The following FGD2 variants were observed in gnomAD, a reference collection of about 807,000 sequenced individuals.
The protein encoded by FGD2 is FYVE, RhoGEF and PH domain containing 2.
FGD2 carries 52 observed loss-of-function variants against 75.9 expected under a neutral mutation model. That is an observed-to-expected ratio of 0.69 (90% CI 0.55 to 0.86). The LOEUF is 0.86. FGD2 is among the 40% of genes least tolerant of loss of function. FGD2 has a pLI of 0.00. For missense variants in FGD2, 790 were observed against 872.0 expected, an observed-to-expected ratio of 0.91 and a Z score of 1.18; for synonymous variants, 347 against 348.6, an observed-to-expected ratio of 1.00 and a Z score of 0.05.
chr6:37,024,829 C>A (rs1342691958), intron 13 of FGD2: 1 of 152,234 alleles, frequency 6.6e-6, no homozygotes, highest in East Asian at 1.9e-4. Flanking sequence ...GTGCCAGTTT[C>A]TGTCTCCCCT....
chr6:37,018,067 C>T (rs1335149044), intron 9 of FGD2, among the ~76,000 whole-genome samples: 2 of 152,098 alleles, frequency 1.3e-5, no homozygotes, highest in African/African-American at 2.4e-5. Flanking sequence ...CTGAGAAAGG[C>T]AGGTTTATAG....
chr6:37,005,676 C>G lies in FGD2; in HGVS notation c.-142C>G. 1.1e-6 allele frequency: 1 copy of G among 874,856 alleles called. No individual in the cohort carries two copies. The allele number at this position is 874,856 out of a possible 1,614,324, so 54.2% of individuals were successfully genotyped here. A position where few individuals can be genotyped will look rare whatever the true frequency, so the allele number is the denominator to read the frequency against. ...CTTCACTCTGAAGCCAAGAGCCGAC[C>G]TTCTGAGCCCTCAAGAAAGATCAGA... On this transcript the variant is annotated 5_prime_UTR_variant, in exon 1 of 16. Coordinates refer to ENST00000274963, the MANE Select transcript of FGD2 (RefSeq NM_173558.4).
chr6:37,008,709 G>T, intron 1 of FGD2, 125 bp from the exon 2 acceptor site: 1 of 724,832 alleles, frequency 1.4e-6, no homozygotes, highest in South Asian at 2.4e-5. Context: ...CCCAAAGAAA[G>T]CCAGGCACCC....
chr6:37,010,912 C>T, intron 2 of FGD2, 61 bp from the exon 3 acceptor site: 1 of 1,511,920 alleles, frequency 6.6e-7, no homozygotes, highest in Non-Finnish European at 9.2e-7. Flanking sequence ...AGGTCCCCAT[C>T]AGAGGAGACC....
chr6:37,010,838 C>T, intron 2 of FGD2, 135 bp from the exon 3 acceptor site: 1 of 785,860 alleles, frequency 1.3e-6, no homozygotes, highest in Non-Finnish European at 2.2e-6. Flanking sequence ...GGCCCAGATG[C>T]ACTGCGGGAG....
intron 1 of FGD2, among the ~76,000 whole-genome samples, chr6:37,008,441 C>G (rs1213900861): frequency 6.6e-6 from 1 of 152,100 alleles, no homozygotes; most frequent in Non-Finnish European, 1.5e-5. Flanking sequence ...TTCTGTGGCT[C>G]CTACCTTCCC....
Position 37,014,051 on chromosome 6 carries a change from G to T in FGD2, c.774G>T (p.Glu258Asp), listed in dbSNP as rs184929659. 1.2e-4 allele frequency: 195 copies of T among 1,614,140 alleles called. No homozygotes were observed. The East Asian group carries it at 4.1e-3, about 34-fold the overall frequency. Reference protein sequence around the residue: ...RIPRYELLLKEYIQKLPAQAP... With the variant: ...RIPRYELLLKDYIQKLPAQAP... ...CACGTTACGAGCTGCTGCTCAAGGA[G>T]TACATCCAGAAGCTGCCAGCCCAGG... Residue 258 changes from glutamate (E) to aspartate (D), a missense_variant, in exon 6 of 16, where the codon GAG (glutamate) becomes GAT (aspartate). Glu to Asp is a conservative substitution (Grantham distance 45). Transcript: ENST00000274963.
At chr6:37,019,439 T>C (rs1422229956) in intron 9 of FGD2, among the ~76,000 whole-genome samples, 3 of 152,208 alleles carry the variant, frequency 2.0e-5, no homozygotes, top group Non-Finnish European at 4.4e-5. Context: ...CTCAGTGCTG[T>C]CTGGGTTATG....
Position 37,028,658 on chromosome 6 carries a change from A to T in FGD2, c.*495A>T, listed in dbSNP as rs1051557821. 3 of 105,232 alleles carry T rather than the reference A, an allele frequency of 2.9e-5. No homozygotes were observed. Among genetic ancestry groups the T allele is most frequent in the Non-Finnish European group, 5.2e-5 (3 of 57,478 alleles). 6.5% of individuals were successfully genotyped at this position (105,232 alleles called of 1,614,324 possible). A position where few individuals can be genotyped will look rare whatever the true frequency, so the allele number is the denominator to read the frequency against. ...GAGACAGAGTCTTACTCTGTTTCCC[A>T]GGCTGGAGTGCACAAACATGGCTCA... On this transcript the variant is annotated 3_prime_UTR_variant, in exon 16 of 16. Coordinates refer to ENST00000274963, the MANE Select transcript of FGD2 (RefSeq NM_173558.4).
At chr6:37,005,999 C>T in intron 1 of FGD2, 114 bp downstream of exon 1, 2 of 1,199,214 alleles carry the variant, frequency 1.7e-6, no homozygotes, top group South Asian at 1.3e-5. Flanking sequence ...CAGGGGCAGC[C>T]CCGCGTTCCT....
At chr6:37,024,519 T>C (rs1267354355) in intron 13 of FGD2, 1 of 151,954 alleles carries the variant, frequency 6.6e-6, no homozygotes, top group Non-Finnish European at 1.5e-5. Context: ...AATACATACA[T>C]ATAGAGAGAG....
At chr6:37,027,405 G>A in intron 14 of FGD2, 24 bp from the exon 15 acceptor site, 1 of 1,590,942 alleles carries the variant, frequency 6.3e-7, no homozygotes, top group Non-Finnish European at 8.6e-7. Context: ...TCTGCTCCCT[G>A]ACAGTCCCTC....
intron 1 of FGD2, among the ~76,000 whole-genome samples, chr6:37,008,309 C>A (rs942844343): frequency 6.6e-6 from 1 of 152,164 alleles, no homozygotes; most frequent in African/African-American, 2.4e-5. Flanking sequence ...CCTACGAAGG[C>A]CCGTCCCTGG....
intron 1 of FGD2, among the ~76,000 whole-genome samples, chr6:37,007,526 C>T (rs1764810268): frequency 6.6e-6 from 1 of 152,232 alleles, no homozygotes; most frequent in African/African-American, 2.4e-5. Flanking sequence ...CAGGCAATAA[C>T]CCTGGCAGGA....
intron 13 of FGD2, 141 bp from the exon 14 acceptor site, chr6:37,025,651 C>T: frequency 1.2e-6 from 1 of 845,392 alleles, no homozygotes; most frequent in South Asian, 1.6e-5. Flanking sequence ...CATCCCCGCT[C>T]TGCCTCTATT....
In FGD2 at chr6:37,011,780, C is replaced by T; in HGVS notation, c.453C>T (p.Phe151=). Residue 151 remains phenylalanine (F), a synonymous_variant, in exon 4 of 16, where the codon TTC becomes TTT. Coordinates refer to ENST00000274963, the MANE Select transcript of FGD2 (RefSeq NM_173558.4). ...CAGAGGATGTGGTCAGGGTCATCTT[C>T]TCCAACATCTCCTCCATCTATCAGT... The part of the protein sequence containing the change: ...AFPEDVVRVI[F]SNISSIYQFH... 1.2e-6 allele frequency: 2 copies of T among 1,614,202 alleles called. No homozygotes were observed. Among genetic ancestry groups the T allele is most frequent in the Non-Finnish European group, 1.7e-6 (2 of 1,180,022 alleles).
Position 37,025,995 on chromosome 6 carries a change from C to G in FGD2, c.1605+57C>G, listed in dbSNP as rs150720295. The G allele has an allele frequency of 2.6e-5, 41 of 1,595,728 alleles. No homozygotes were observed. The South Asian group carries it at 4.6e-4, about 18-fold the overall frequency. ...GTCCTCTGTTCAGGGAATGTGTGCC[C>G]GGCAACCATGCTGGGCTGACACTGT... is the stretch of plus-strand genomic sequence containing the variant. On this transcript the variant is annotated intron_variant, in intron 14 of 15. Coordinates refer to ENST00000274963, the MANE Select transcript of FGD2 (RefSeq NM_173558.4).
At chr6:37,027,692 C>A in intron 15 of FGD2, 117 bp downstream of exon 15, 1 of 1,336,982 alleles carries the variant, frequency 7.5e-7, no homozygotes, top group Non-Finnish European at 1.0e-6. Context: ...AACTGAGGCC[C>A]AATGAGGATA....
At chr6:37,009,164 C>T in intron 2 of FGD2, 99 bp downstream of exon 2, 1 of 1,203,062 alleles carries the variant, frequency 8.3e-7, no homozygotes, top group Non-Finnish European at 1.2e-6. Flanking sequence ...CAGCAGTTCC[C>T]CAGGTGGGGG....
Sources: allele counts gnomAD v4.1 joint callset (sites outside exome capture counted in the v4.1 genomes callset), GRCh38; gene constraint gnomAD v4.1.1; transcripts MANE v1.5; gene names NCBI Gene and HGNC (gene_info 2026-07-23, HGNC 2026-07-21).